Variants in TCF20 observed in about 807,000 individuals in gnomAD.
TCF20 encodes the protein transcription factor 20, also known as SPRE-binding protein.
TCF20 carries 3 observed loss-of-function variants against 148.6 expected under a neutral mutation model. The observed-to-expected ratio is 0.02, with a 90% CI of 0.01 to 0.05. TCF20 has a LOEUF of 0.05. TCF20 is among the 10% of genes least tolerant of loss of function. The pLI is 1.00. For synonymous variants in TCF20, 1,049 were observed against 909.5 expected (o/e 1.15, Z -2.76); for missense variants, 2,350 against 2,429.3 (o/e 0.97, Z 0.69).
chr22:42,328,401 T>A (rs1047021291), intron 1 of TCF20, among the ~76,000 whole-genome samples: 1 of 152,164 alleles, frequency 6.6e-6, no homozygotes, highest in African/African-American at 2.4e-5. Context: ...ACTGAGGGTG[T>A]GTGTGGAGGC....
At chr22:42,300,279 C>G (rs1489926612) in intron 1 of TCF20, among the ~76,000 whole-genome samples, 1 of 152,222 alleles carries the variant, frequency 6.6e-6, no homozygotes, top group African/African-American at 2.4e-5. Flanking sequence ...GAAGACCACC[C>G]AGCTACTCCT....
rs146693729 is a variant in TCF20 at position 42,232,280 on chromosome 22, G to C, written c.-36-16939C>G. ...TACCACATAGCCTAGATGGGCAGTCGGCTACACCCAGGCTAGGTGTGTGTA... is the reference window on the plus strand; with the variant it reads ...TACCACATAGCCTAGATGGGCAGTCCGCTACACCCAGGCTAGGTGTGTGTA... On this transcript the variant is annotated intron_variant, in intron 1 of 5. Transcript: ENST00000677622. Among the ~76,000 whole-genome samples, 70 of 152,136 alleles carry C rather than the reference G, an allele frequency of 4.6e-4. 5 individuals are homozygous for C. The East Asian group carries it at 0.014, about 29-fold the overall frequency.
intron 1 of TCF20, among the ~76,000 whole-genome samples, chr22:42,281,479 C>T (rs1926901211): frequency 6.6e-6 from 1 of 152,242 alleles, no homozygotes; most frequent in South Asian, 2.1e-4. Context: ...CCCACTCTTC[C>T]CTTCCAACGG....
intron 2 of TCF20, among the ~76,000 whole-genome samples, chr22:42,180,640 A>G (rs1030454054): frequency 6.6e-6 from 1 of 152,210 alleles, no homozygotes; most frequent in Admixed American, 6.5e-5. Flanking sequence ...AATTACACTG[A>G]GCTGGCTCAG....
At chr22:42,261,476 G>T (rs1005129660) in intron 1 of TCF20, among the ~76,000 whole-genome samples, 1 of 152,062 alleles carries the variant, frequency 6.6e-6, no homozygotes, top group Non-Finnish European at 1.5e-5. Flanking sequence ...TGACTCCTAC[G>T]TGTTTTGCTT....
chr22:42,296,252 C>G (rs1927234978), intron 1 of TCF20, among the ~76,000 whole-genome samples: 2 of 152,354 alleles, frequency 1.3e-5, no homozygotes, highest in East Asian at 3.9e-4. Context: ...ATGCTGTGTC[C>G]TTGACCCCCA....
chr22:42,234,773 A>C (rs1467087573), intron 1 of TCF20, among the ~76,000 whole-genome samples: 1 of 152,240 alleles, frequency 6.6e-6, no homozygotes, highest in Non-Finnish European at 1.5e-5. Context: ...GAGCATCAAG[A>C]ATTAGCAAAT....
At chr22:42,271,142 C>T (rs747147039), upstream of TCF20, among the ~76,000 whole-genome samples, 1 of 152,200 alleles carries the variant, frequency 6.6e-6, no homozygotes, top group East Asian at 1.9e-4. Flanking sequence ...CGCCAAGAGC[C>T]CTCTGGGCCG....
intron 1 of TCF20, among the ~76,000 whole-genome samples, chr22:42,304,108 A>C (rs1046694112): frequency 1.3e-5 from 2 of 151,922 alleles, no homozygotes; most frequent in Admixed American, 6.5e-5. Flanking sequence ...TGATGGGGCC[A>C]TATTTCAGGC....
chr22:42,321,673 G>A (rs1012307085), intron 1 of TCF20, among the ~76,000 whole-genome samples: 12 of 151,844 alleles, frequency 7.9e-5, no homozygotes, highest in East Asian at 3.8e-4. Flanking sequence ...CAGGCTGGGC[G>A]CGGTGACTCA....
chr22:42,295,901 G>A (rs1927228746), intron 1 of TCF20, among the ~76,000 whole-genome samples: 2 of 152,286 alleles, frequency 1.3e-5, no homozygotes, highest in Admixed American at 1.3e-4. Context: ...CTCCAGGCAG[G>A]CTTTCCACAC....
intron 1 of TCF20, among the ~76,000 whole-genome samples, chr22:42,260,914 C>G (rs1361832162): frequency 1.3e-5 from 2 of 152,170 alleles, no homozygotes; most frequent in East Asian, 1.9e-4. Context: ...TTTTTACAGT[C>G]AAATCACATA....
chr22:42,275,354 C>G (rs1004672600), upstream of TCF20, among the ~76,000 whole-genome samples: 1 of 152,202 alleles, frequency 6.6e-6, no homozygotes, highest in African/African-American at 2.4e-5. Flanking sequence ...ACTTACACAT[C>G]TTCCCCACAG....
upstream of TCF20, among the ~76,000 whole-genome samples, chr22:42,270,800 G>T (rs1281768428): frequency 6.8e-6 from 1 of 146,456 alleles, no homozygotes; most frequent in Admixed American, 6.8e-5. Flanking sequence ...ACCCGCGTGC[G>T]GCGGCGTCGA....
chr22:42,186,368 C>T (rs1937046001), intron 2 of TCF20, among the ~76,000 whole-genome samples: 2 of 152,110 alleles, frequency 1.3e-5, no homozygotes, highest in Non-Finnish European at 2.9e-5. Context: ...GTAAAATAAC[C>T]ATAAAAGTGT....
chr22:42,169,977 T>A lies in TCF20; in HGVS notation c.5750-81A>T, dbSNP rs59548336. ...GTCATGCTGGCTGGGATTGACAGGG[T>A]CAGACATAAAGGTAGCAGGTCGCTA... On this transcript the variant is annotated intron_variant, in intron 3 of 5. Transcript: ENST00000677622. 2,012 of 1,460,674 alleles carry A rather than the reference T, an allele frequency of 1.4e-3. 18 individuals carry two copies. The African/African-American group carries it at 0.025, about 18-fold the overall frequency. The allele number at this position is 1,460,674 out of a possible 1,614,324, so 90.5% of individuals were successfully genotyped here.
intron 1 of TCF20, among the ~76,000 whole-genome samples, chr22:42,253,223 A>G (rs920239817): frequency 2.6e-5 from 4 of 152,182 alleles, no homozygotes; most frequent in African/African-American, 9.7e-5. Context: ...ACCATCTACT[A>G]ATTTGCTAAT....
rs934538418 is a variant in TCF20, at chr22:42,214,188, G to A, written c.1118C>T (p.Ala373Val). The A allele has an allele frequency of 2.5e-6, 4 of 1,614,130 alleles. No homozygotes were observed. In the African/African-American group the frequency reaches 5.3e-5, roughly 22 times the overall value. ...NFSPISNPSP[A>V]ASVVQSPSCS... ...GCTTGGAGACTGAACCACAGAGGCA[G>A]CTGGAGAAGGGTTAGAAATGGGGCT... is the stretch of plus-strand genomic sequence containing the variant. The change falls in exon 2 of 6, where the codon GCT becomes GTT. Residue 373 changes from alanine (A) to valine (V), a missense_variant. By Grantham distance (64) the Ala-to-Val change is moderately conservative. Transcript: ENST00000677622.
At chr22:42,217,226 G>GC (rs1351253352) in intron 1 of TCF20, among the ~76,000 whole-genome samples, 1 of 152,008 alleles carries the variant, frequency 6.6e-6, no homozygotes. Context: ...CTCTGCTCTA[G>GC]CCCCACAGTT....
Sources: allele counts gnomAD v4.1 joint callset (sites outside exome capture counted in the v4.1 genomes callset), GRCh38; gene constraint gnomAD v4.1.1; transcripts MANE v1.5; gene names NCBI Gene and HGNC (gene_info 2026-07-23, HGNC 2026-07-21).